Variants in USP7 observed in about 807,000 individuals in gnomAD.
The protein encoded by USP7 is ubiquitin specific peptidase 7.
In USP7, 9 loss-of-function variants were observed where a neutral mutation model predicts 162.9. That is an observed-to-expected ratio of 0.06 (90% confidence interval 0.03 to 0.10). The LOEUF (loss-of-function observed/expected upper bound fraction) is 0.10. Ranked by LOEUF, USP7 falls within the 10% of genes least tolerant of loss-of-function variation. The pLI, the probability that USP7 is intolerant of heterozygous loss-of-function variation, is 1.00. For missense variants in USP7, 715 were observed against 1,373.7 expected (o/e 0.52, Z 7.58); for synonymous variants, 562 against 475.9 (o/e 1.18, Z -2.35).
chr16:8,916,918 AAGTGCCTAC>A (rs1219672677), intron 7 of USP7, 99 bp downstream of exon 7: 10 of 1,273,370 alleles, frequency 7.9e-6, no homozygotes, highest in Non-Finnish European at 1.0e-5. Flanking sequence ...TCCCTAAATT[AAGTGCCTAC>A]AGTATGCTCT....
At chr16:8,911,712 C>A (rs1403588125) in intron 10 of USP7, among the ~76,000 whole-genome samples, 1 of 152,236 alleles carries the variant, frequency 6.6e-6, no homozygotes, top group Non-Finnish European at 1.5e-5. Context: ...GAGCGGGAAC[C>A]TGCTGGGCAG....
At chr16:8,948,430 C>T (rs1045450074) in intron 1 of USP7, among the ~76,000 whole-genome samples, 5 of 152,192 alleles carry the variant, frequency 3.3e-5, no homozygotes, top group East Asian at 3.8e-4. Context: ...AGCTATCCAC[C>T]GGCCTCGGCC....
intron 1 of USP7, among the ~76,000 whole-genome samples, chr16:8,931,743 T>C (rs1173122985): frequency 6.6e-6 from 1 of 152,190 alleles, no homozygotes; most frequent in Admixed American, 6.5e-5. Context: ...CTCACACAGG[T>C]GGTTATTCTA....
intron 1 of USP7, among the ~76,000 whole-genome samples, chr16:8,934,487 T>A (rs186057268): frequency 1.3e-5 from 2 of 152,334 alleles, no homozygotes; most frequent in East Asian, 3.9e-4. Flanking sequence ...ATGCGTAAGC[T>A]CTACCCCCCA....
At position 8,893,700 on chromosome 16, in the gene USP7, G is replaced by T. The variant is rs2061638054; in HGVS notation, c.*298C>A. ...GGACAGCCCAGAGACCTTGAGCCAG[G>T]GACCCCCGATCCACTAACCTCTTCT... On this transcript the variant is annotated 3_prime_UTR_variant, in exon 31 of 31. Transcript: ENST00000344836. The T allele has an allele frequency of 1.2e-5, 4 of 339,294 alleles. No individual in the cohort carries two copies. The East Asian group carries it at 2.6e-4, about 22-fold the overall frequency. The allele number at this position is 339,294 out of a possible 1,614,324, so 21.0% of individuals were successfully genotyped here.
At position 8,926,044 on chromosome 16, in the gene USP7, C is replaced by T. The variant is rs537455113; in HGVS notation, c.185-2631G>A. 2.4e-4 allele frequency among the ~76,000 whole-genome samples: 37 copies of T among 151,856 alleles called. No individual in the cohort carries two copies. In the South Asian group the frequency reaches 7.7e-3, roughly 32 times the overall value. On this transcript the variant is annotated intron_variant, in intron 2 of 30. Transcript: ENST00000344836. ...AGGCTGGCGCCTGTAGTCCCAGCTA[C>T]TAGGGAGGCTGAGGCAGGAGAATGG... is the stretch of plus-strand genomic sequence containing the variant.
chr16:8,899,269 G>T (rs1348454191), intron 22 of USP7, 81 bp from the exon 23 acceptor site: 8 of 1,395,252 alleles, frequency 5.7e-6, no homozygotes, highest in Non-Finnish European at 8.1e-6. Flanking sequence ...TACTTAAAAT[G>T]TGCCATGAGC....
intron 1 of USP7, chr16:8,935,970 A>G (rs1187470070): frequency 6.6e-6 from 1 of 152,240 alleles, no homozygotes; most frequent in East Asian, 1.9e-4. Context: ...ACAGATCAGA[A>G]TAAGCAAGAT....
intron 6 of USP7, 28 bp downstream of exon 6, chr16:8,919,003 C>T (rs747317545): frequency 6.8e-6 from 11 of 1,607,392 alleles, no homozygotes; most frequent in Non-Finnish European, 9.4e-6. Context: ...GAGCGGAAGG[C>T]TGCAGGAGAG....
chr16:8,909,893 T>C lies in USP7; in HGVS notation c.1161+852A>G, dbSNP rs1393649781. 3.3e-5 allele frequency among the ~76,000 whole-genome samples: 5 copies of C among 152,164 alleles called. No homozygotes were observed. The South Asian group carries it at 8.3e-4, about 25-fold the overall frequency. On this transcript the variant is annotated intron_variant, in intron 11 of 30. Coordinates refer to ENST00000344836, the MANE Select transcript of USP7 (RefSeq NM_003470.3). ...GTGAGTCGAGATCGCGCCACTGCAC[T>C]CTAGCCTGGGGAACAGACCGAGTCT...
intron 2 of USP7, among the ~76,000 whole-genome samples, chr16:8,923,984 C>T (rs1297522114): frequency 2.0e-5 from 3 of 152,022 alleles, no homozygotes; most frequent in Non-Finnish European, 2.9e-5. Flanking sequence ...AAAATACTAG[C>T]CTGGACACCC....
chr16:8,910,956 T>C, intron 10 of USP7, 129 bp from the exon 11 acceptor site: 1 of 745,842 alleles, frequency 1.3e-6, no homozygotes, highest in African/African-American at 1.7e-5. Context: ...ACAGTAACTC[T>C]CCCCCTGTAG....
chr16:8,946,573 T>A (rs1166513391), intron 1 of USP7, among the ~76,000 whole-genome samples: 1 of 152,086 alleles, frequency 6.6e-6, no homozygotes, highest in African/African-American at 2.4e-5. Flanking sequence ...AAACAACAGT[T>A]CACAAAACTC....
chr16:8,958,383 G>A (rs1158059808), intron 1 of USP7, among the ~76,000 whole-genome samples: 1 of 152,236 alleles, frequency 6.6e-6, no homozygotes. Flanking sequence ...TCCTAAGACT[G>A]CAGCTGTGCG....
chr16:8,931,832 A>G (rs1898362031), intron 1 of USP7, among the ~76,000 whole-genome samples: 1 of 152,220 alleles, frequency 6.6e-6, no homozygotes, highest in South Asian at 2.1e-4. Context: ...GTTTTTCCCC[A>G]TATTAGAATA....
intron 1 of USP7, among the ~76,000 whole-genome samples, chr16:8,938,349 A>AAAG (rs1555469500): frequency 6.6e-6 from 1 of 151,858 alleles, no homozygotes; most frequent in African/African-American, 2.4e-5. Flanking sequence ...CAAAAAAAAA[A>AAAG]AAAGAAAGAA....
chr16:8,943,322 C>A (rs1899130248), intron 1 of USP7, among the ~76,000 whole-genome samples: 1 of 151,292 alleles, frequency 6.6e-6, no homozygotes, highest in African/African-American at 2.5e-5. Flanking sequence ...CTTATAATTA[C>A]GCCTGTACTG....
Position 8,902,097 on chromosome 16 carries a change from T to C in USP7, c.2032A>G (p.Lys678Glu), listed in dbSNP as rs2061784069. 3 of 1,614,134 alleles carry C rather than the reference T, an allele frequency of 1.9e-6. No individual in the cohort carries two copies. The highest frequency in any genetic ancestry group is 2.5e-6 in the Non-Finnish European group (3 of 1,180,004). Residue 678 changes from lysine (K) to glutamate (E), a missense_variant, in exon 18 of 31, where the codon AAG becomes GAG. Lys to Glu is a moderately conservative substitution (Grantham distance 56). Transcript: ENST00000344836. ...GGGCACTTACGATCTTTATCAAACTTGGGTAAGGTCGCTCCACTAGCAGCC... is the reference window on the plus strand; with the variant it reads ...GGGCACTTACGATCTTTATCAAACTCGGGTAAGGTCGCTCCACTAGCAGCC... ...ELAASGATLP[K>E]FDKDHDVMLF...
At chr16:8,962,362 C>T (rs542327010) in intron 1 of USP7, 1 of 224,018 alleles carries the variant, frequency 4.5e-6, no homozygotes, top group Admixed American at 4.6e-5. Flanking sequence ...CTCCCTAAAT[C>T]CAACACCCTT....
Sources: gnomAD v4.1 joint callset for allele counts (sites outside exome capture counted in the v4.1 genomes callset) on GRCh38, gnomAD v4.1.1 for gene constraint, MANE v1.5 for transcripts, NCBI Gene and HGNC (gene_info 2026-07-23, HGNC 2026-07-21) for gene names.